The following ARPP19 variants were observed in gnomAD, a reference collection of about 807,000 sequenced individuals.
The protein encoded by ARPP19 is cAMP-regulated phosphoprotein 19.
A neutral mutation model predicts 12.0 loss-of-function variants in ARPP19; 8 were observed. The ratio of observed to expected loss-of-function variants is 0.67; its 90% CI spans 0.39 to 1.21. The LOEUF is 1.21. ARPP19 is among the 50% of genes most tolerant of loss of function. The probability of loss-of-function intolerance (pLI) is 0.01; values close to 1 mark genes in which losing one functional copy is unlikely to be tolerated. For synonymous variants in ARPP19, 47 were observed against 50.4 expected (o/e 0.93, Z 0.29); for missense variants, 102 against 136.3 (o/e 0.75, Z 1.25).
chr15:52,557,158 G>A lies in ARPP19; in HGVS notation c.110C>T (p.Pro37Leu). 2 of 1,612,694 alleles carry A rather than the reference G, an allele frequency of 1.2e-6. No homozygotes were observed. Among genetic ancestry groups the A allele is most frequent in the Non-Finnish European group, 1.7e-6 (2 of 1,179,494 alleles). The change falls in exon 2 of 3, where the codon CCT becomes CTT. Residue 37 changes from proline to leucine, a missense_variant. Physicochemically the swap from Pro to Leu is moderately conservative, Grantham distance 98. Coordinates refer to ENST00000249822, the MANE Select transcript of ARPP19 (RefSeq NM_006628.6). ...AEEAKLKARY[P>L]HLGQKPGGSD... ...ACCTCCAGGCTTTTGTCCCAGATGA[G>A]GATATCTTGCTTTTAATTTTGCTTC...
chr15:52,568,501 G>A (rs1175870508), intron 1 of ARPP19: 2 of 246,396 alleles, frequency 8.1e-6, no homozygotes, highest in African/African-American at 2.3e-5. Context: ...GTTCTTCAAA[G>A]GAAAAAATAA....
In ARPP19 at chr15:52,566,856, G is replaced by C. The variant is rs567324505; in HGVS notation, c.45+1992C>G. 5.4e-4 allele frequency among the ~76,000 whole-genome samples: 82 copies of C among 152,148 alleles called. 1 individual carries two copies. In the South Asian group the frequency reaches 0.016, roughly 30 times the overall value. ...TATCTGGTTTTCTTCTCTTACCAAG[G>C]GTGCACACACCACTCAAGATAGAGA... is the stretch of plus-strand genomic sequence containing the variant. On this transcript the variant is annotated intron_variant, in intron 1 of 2. Coordinates refer to ENST00000249822, the MANE Select transcript of ARPP19 (RefSeq NM_006628.6).
chr15:52,566,454 G>A (rs537803288), intron 1 of ARPP19, among the ~76,000 whole-genome samples: 1 of 152,140 alleles, frequency 6.6e-6, no homozygotes, highest in African/African-American at 2.4e-5. Flanking sequence ...CCACAGCACA[G>A]GCCTTTTAAA....
intron 1 of ARPP19, among the ~76,000 whole-genome samples, chr15:52,560,294 C>T (rs1272870226): frequency 6.6e-6 from 1 of 152,118 alleles, no homozygotes; most frequent in East Asian, 1.9e-4. Context: ...CTGGGCCCAG[C>T]CGCATTCCCT....
chr15:52,549,154 T>C lies in ARPP19; in HGVS notation c.*2780A>G, dbSNP rs915143467. ...AAAACAAGTAATTTATTTCAGACTT[T>C]AGTTTTCATGAAGTATTTATCAACA... On this transcript the variant is annotated 3_prime_UTR_variant, in exon 3 of 3. Coordinates refer to ENST00000249822, the MANE Select transcript of ARPP19 (RefSeq NM_006628.6). 1.4e-4 allele frequency: 21 copies of C among 152,268 alleles called. No individual in the cohort carries two copies. Among genetic ancestry groups the C allele is most frequent in the African/African-American group, 4.6e-4 (19 of 41,480 alleles). 9.4% of individuals were successfully genotyped at this position (152,268 alleles called of 1,614,324 possible).
chr15:52,565,418 T>C (rs1407323746), intron 1 of ARPP19, among the ~76,000 whole-genome samples: 1 of 152,246 alleles, frequency 6.6e-6, no homozygotes, highest in African/African-American at 2.4e-5. Context: ...ATGAGATCTG[T>C]ACTCAAAACT....
intron 1 of ARPP19, among the ~76,000 whole-genome samples, chr15:52,562,862 G>T (rs1277879284): frequency 1.6e-5 from 2 of 121,442 alleles, no homozygotes; most frequent in African/African-American, 3.1e-5. Context: ...GCAAGCTTAA[G>T]AAGTTTTTTT....
Position 52,551,882 on chromosome 15 carries a change from T to TA in ARPP19, c.*51dup. 2.2e-6 allele frequency: 3 copies of TA among 1,350,942 alleles called. No individual in the cohort carries two copies. The highest frequency in any genetic ancestry group is 3.1e-6 in the Non-Finnish European group (3 of 960,846). 83.7% of individuals were successfully genotyped at this position (1,350,942 alleles called of 1,614,324 possible). On this transcript the variant is annotated 3_prime_UTR_variant, in exon 3 of 3. Coordinates refer to ENST00000249822, the MANE Select transcript of ARPP19 (RefSeq NM_006628.6). ...GGAAATAAAAAGTAGATAAGTAACATATTAAGGAGAAATAATGAGATTTAG... is the reference window on the plus strand; with the variant it reads ...GGAAATAAAAAGTAGATAAGTAACATAATTAAGGAGAAATAATGAGATTTAG...
chr15:52,563,788 C>T (rs577255244), intron 1 of ARPP19, among the ~76,000 whole-genome samples: 1 of 152,178 alleles, frequency 6.6e-6, no homozygotes, highest in African/African-American at 2.4e-5. Flanking sequence ...TGACGAATAA[C>T]TAGAAAGGAT....
chr15:52,554,028 C>T (rs1309598744), intron 2 of ARPP19, among the ~76,000 whole-genome samples: 1 of 152,226 alleles, frequency 6.6e-6, no homozygotes, highest in African/African-American at 2.4e-5. Flanking sequence ...AGAAAAACCT[C>T]AGAATTGTGA....
At chr15:52,553,873 G>A (rs912853687) in intron 2 of ARPP19, among the ~76,000 whole-genome samples, 6 of 152,204 alleles carry the variant, frequency 3.9e-5, no homozygotes, top group Non-Finnish European at 7.3e-5. Flanking sequence ...GCCAGACCTG[G>A]TCTATGGCCC....
rs528089915 is a variant in ARPP19, at chr15:52,550,456, C to T, written c.*1478G>A. ...GACATAGGTTCTTGAGCCAGTATTC[C>T]GAACCGTTTCATTATAAAGTTCCTT... On this transcript the variant is annotated 3_prime_UTR_variant, in exon 3 of 3. Coordinates refer to ENST00000249822, the MANE Select transcript of ARPP19 (RefSeq NM_006628.6). 11 of 152,150 alleles carry T rather than the reference C, an allele frequency of 7.2e-5. No individual in the cohort carries two copies. Among genetic ancestry groups the T allele is most frequent in the South Asian group, 6.2e-4 (3 of 4,820 alleles). The allele number at this position is 152,150 out of a possible 1,614,324, so 9.4% of individuals were successfully genotyped here.
rs970768679 is a variant in ARPP19, at chr15:52,549,365, A to C, written c.*2569T>G. ...CTGAGCTTTGAGGCAGAACAAAAAA[A>C]AAACAAAAATCTAAAACCTCTCTAT... On this transcript the variant is annotated 3_prime_UTR_variant, in exon 3 of 3. Transcript: ENST00000249822. 8.5e-5 allele frequency: 13 copies of C among 152,714 alleles called. No individual in the cohort carries two copies. The highest frequency in any genetic ancestry group is 2.4e-4 in the African/African-American group (10 of 41,550). 9.5% of individuals were successfully genotyped at this position (152,714 alleles called of 1,614,324 possible). A position where few individuals can be genotyped will look rare whatever the true frequency, so the allele number is the denominator to read the frequency against.
chr15:52,560,873 C>CATATGGCAGATAAACATATG (rs2078026066), intron 1 of ARPP19, among the ~76,000 whole-genome samples: 1 of 152,142 alleles, frequency 6.6e-6, no homozygotes, highest in African/African-American at 2.4e-5. Context: ...TAAACAGGGG[C>CATATGGCAGATAAACATATG]TCTAGTAGCA....
rs2077886360 is a variant in ARPP19 at position 52,547,344 on chromosome 15, A to C, written c.*4590T>G. 1 of 152,220 alleles carries C rather than the reference A, an allele frequency of 6.6e-6. No individual in the cohort carries two copies. The highest frequency in any genetic ancestry group is 2.4e-5 in the African/African-American group (1 of 41,444). 9.4% of individuals were successfully genotyped at this position (152,220 alleles called of 1,614,324 possible). A position where few individuals can be genotyped will look rare whatever the true frequency, so the allele number is the denominator to read the frequency against. On this transcript the variant is annotated 3_prime_UTR_variant, in exon 3 of 3. Transcript: ENST00000249822. The stretch of plus-strand genomic sequence containing the variant: ...CAACTCTATAGACATGTTTTAACAA[A>C]AAGCAAAACAAAACAAAACAAAAAA...
chr15:52,564,180 T>C, intron 1 of ARPP19: 1 of 1,526,946 alleles, frequency 6.5e-7, no homozygotes. Flanking sequence ...AAAACTTTTC[T>C]GAGGTTTACC....
Position 52,551,970 on chromosome 15 carries a change from C to T in ARPP19, c.303G>A (p.Arg101=). Residue 101 remains arginine (R), a synonymous_variant, in exon 3 of 3, where the codon CGG becomes CGA. Transcript: ENST00000249822. The part of the protein sequence containing the change: ...HIPTPQDLPQ[R]KPSLVASKLA... ...GCTTGCTAGCAACAAGGGACGGCTTCCGTTGAGGAAGGTCTTGCGGAGTGG... is the reference window on the plus strand; with the variant it reads ...GCTTGCTAGCAACAAGGGACGGCTTTCGTTGAGGAAGGTCTTGCGGAGTGG... 6.2e-7 allele frequency: 1 copy of T among 1,613,764 alleles called. No individual in the cohort carries two copies.
At chr15:52,554,033 T>C (rs1401407600) in intron 2 of ARPP19, among the ~76,000 whole-genome samples, 2 of 152,248 alleles carry the variant, frequency 1.3e-5, no homozygotes, top group African/African-American at 4.8e-5. Flanking sequence ...AACCTCAGAA[T>C]TGTGATGCAC....
Position 52,551,828 on chromosome 15 carries a change from T to C in ARPP19, c.*106A>G, listed in dbSNP as rs868718681. The C allele has an allele frequency of 2.7e-5, 23 of 840,744 alleles. No homozygotes were observed. In the Middle Eastern group the frequency reaches 4.4e-3, roughly 161 times the overall value. 52.1% of individuals were successfully genotyped at this position (840,744 alleles called of 1,614,324 possible). On this transcript the variant is annotated 3_prime_UTR_variant, in exon 3 of 3. Coordinates refer to ENST00000249822, the MANE Select transcript of ARPP19 (RefSeq NM_006628.6). ...CACACACTACTGCTACCTGCAAAGC[T>C]GTCAGTCTCAAATGACTAGTGAATG...
Sources: allele counts gnomAD v4.1 joint callset (sites outside exome capture counted in the v4.1 genomes callset), GRCh38; gene constraint gnomAD v4.1.1; transcripts MANE v1.5; gene names NCBI Gene and HGNC (gene_info 2026-07-23, HGNC 2026-07-21).